NSG2: variants seen among roughly 807,000 people sequenced by gnomAD.
NSG2 encodes the protein neuronal vesicle trafficking associated 2.
A neutral mutation model predicts 16.9 loss-of-function variants in NSG2; 4 were observed. That is an observed-to-expected ratio of 0.24 (90% confidence interval 0.12 to 0.54). The LOEUF (loss-of-function observed/expected upper bound fraction) is 0.54, where lower values mean the gene tolerates loss of function less well. Among genes scored for constraint, NSG2 ranks in the 20% least tolerant of loss-of-function variants. The pLI is 0.95. For missense variants in NSG2, 179 were observed against 221.1 expected (o/e 0.81, Z 1.21); for synonymous variants, 98 against 88.7 (o/e 1.11, Z -0.59).
intron 3 of NSG2, among the ~76,000 whole-genome samples, chr5:174,069,874 ATTTT>A (rs1374503826): frequency 8.8e-6 from 1 of 113,276 alleles, no homozygotes; most frequent in Non-Finnish European, 1.8e-5. Context: ...AAGGTAGGCC[ATTTT>A]TTTTTTTTTT....
chr5:174,101,942 A>G (rs1032832543), intron 3 of NSG2, among the ~76,000 whole-genome samples: 1 of 151,622 alleles, frequency 6.6e-6, no homozygotes, highest in Non-Finnish European at 1.5e-5. Context: ...CCTCAGCTCC[A>G]CCTCTTGCCT....
chr5:174,101,963 G>A (rs561707988), intron 3 of NSG2, among the ~76,000 whole-genome samples: 37 of 152,026 alleles, frequency 2.4e-4, no homozygotes, highest in Non-Finnish European at 1.8e-4. Context: ...GTGTGATACC[G>A]GACTGATCTC....
At chr5:174,093,676 G>A (rs997650483) in intron 3 of NSG2, among the ~76,000 whole-genome samples, 1 of 152,206 alleles carries the variant, frequency 6.6e-6, no homozygotes, top group African/African-American at 2.4e-5. Context: ...GTCTCTGGAG[G>A]TTCCAGCTGC....
At chr5:174,104,792 CCTT>C (rs1760951711) in intron 4 of NSG2, among the ~76,000 whole-genome samples, 2 of 152,208 alleles carry the variant, frequency 1.3e-5, no homozygotes, top group South Asian at 2.1e-4. Context: ...TGATTAAACT[CCTT>C]CTCTGAAAGA....
In NSG2 at chr5:174,101,068, T is replaced by C. The variant is rs879400380; in HGVS notation, c.214-3160T>C. Among the ~76,000 whole-genome samples the C allele has an allele frequency of 1.4e-4, 21 of 152,204 alleles. 1 individual carries two copies. Among genetic ancestry groups the C allele is most frequent in the Admixed American group, 1.2e-3 (18 of 15,288 alleles). ...GAGGCTCTGAACTCCCTCCTGAGCA[T>C]GCACGAGCTCGACAGCTGCACTGTA... On this transcript the variant is annotated intron_variant, in intron 3 of 4. Coordinates refer to ENST00000303177, the MANE Select transcript of NSG2 (RefSeq NM_015980.5).
chr5:174,080,650 C>T (rs1455500226), intron 3 of NSG2, among the ~76,000 whole-genome samples: 2 of 151,938 alleles, frequency 1.3e-5, no homozygotes, highest in East Asian at 1.9e-4. Flanking sequence ...CAACCTCCAC[C>T]TCCCGGGTTC....
chr5:174,063,663 A>G (rs990830833), intron 2 of NSG2, among the ~76,000 whole-genome samples: 2 of 151,870 alleles, frequency 1.3e-5, no homozygotes, highest in Non-Finnish European at 1.5e-5. Flanking sequence ...TGCAATGTGA[A>G]GCACATCATG....
chr5:174,073,077 T>C (rs1290414537), intron 3 of NSG2, among the ~76,000 whole-genome samples: 1 of 152,184 alleles, frequency 6.6e-6, no homozygotes, highest in Non-Finnish European at 1.5e-5. Context: ...ATCGATCACA[T>C]CAACAGCTCT....
rs369770851 is a variant in NSG2, at chr5:174,064,226, T to C, written c.130-6T>C. On this transcript the variant is annotated splice_polypyrimidine_tract_variant and splice_region_variant and intron_variant, in intron 2 of 4. Transcript: ENST00000303177. ...TGCATGCTAACACACTGGTTGACTC[T>C]TTCAGGTGATTGTGAAGACAAGAAC... is the stretch of plus-strand genomic sequence containing the variant. The C allele has an allele frequency of 1.2e-6, 2 of 1,602,680 alleles. No homozygotes were observed. The highest frequency in any genetic ancestry group is 2.2e-5 in the East Asian group (1 of 44,744).
intron 2 of NSG2, among the ~76,000 whole-genome samples, chr5:174,054,084 C>T (rs1759931923): frequency 6.6e-6 from 1 of 152,248 alleles, no homozygotes; most frequent in Admixed American, 6.5e-5. Flanking sequence ...GAATCCTAAG[C>T]AGAGGTTTTG....
intron 2 of NSG2, among the ~76,000 whole-genome samples, chr5:174,062,021 G>A (rs1419181676): frequency 6.6e-6 from 1 of 151,204 alleles, no homozygotes; most frequent in African/African-American, 2.4e-5. Flanking sequence ...TGACACTGCA[G>A]CCTGACAGGT....
intron 2 of NSG2, chr5:174,056,261 T>G (rs1759966657): frequency 6.6e-6 from 1 of 152,122 alleles, no homozygotes; most frequent in Admixed American, 6.5e-5. Flanking sequence ...AGGCTCCTTA[T>G]CTGTAAAATG....
chr5:174,067,904 G>T (rs1197103199), intron 3 of NSG2, among the ~76,000 whole-genome samples: 1 of 152,178 alleles, frequency 6.6e-6, no homozygotes, highest in Non-Finnish European at 1.5e-5. Context: ...GAGGTAGGGA[G>T]CTGGGGGGAT....
At chr5:174,059,369 G>T (rs1314329472) in intron 2 of NSG2, among the ~76,000 whole-genome samples, 2 of 152,116 alleles carry the variant, frequency 1.3e-5, no homozygotes, top group African/African-American at 2.4e-5. Flanking sequence ...CCAGTTTGGG[G>T]CTATCAGGAA....
rs188092578 is a variant in NSG2, at chr5:174,071,493, G to A, written c.213+7178G>A. Among the ~76,000 whole-genome samples, 38 of 152,268 alleles carry A rather than the reference G, an allele frequency of 2.5e-4. No individual in the cohort carries two copies. The Middle Eastern group carries it at 0.01, about 41-fold the overall frequency. On this transcript the variant is annotated intron_variant, in intron 3 of 4. Coordinates refer to ENST00000303177, the MANE Select transcript of NSG2 (RefSeq NM_015980.5). ...AGAGCAAGACTCAGTAACAACAACAGCAACAACAGAAGAACCAGTGTCAGT... is the reference window on the plus strand; with the variant it reads ...AGAGCAAGACTCAGTAACAACAACAACAACAACAGAAGAACCAGTGTCAGT...
chr5:174,070,510 C>T (rs1178809981), intron 3 of NSG2, among the ~76,000 whole-genome samples: 1 of 152,174 alleles, frequency 6.6e-6, no homozygotes, highest in African/African-American at 2.4e-5. Flanking sequence ...TTCCTTCCTT[C>T]TTGGTCTCCC....
chr5:174,066,402 C>T, intron 3 of NSG2: 1 of 389,352 alleles, frequency 2.6e-6, no homozygotes, highest in Admixed American at 2.9e-5. Flanking sequence ...CCCAGGTTCA[C>T]ATGTAAGAAT....
intron 2 of NSG2, among the ~76,000 whole-genome samples, chr5:174,059,336 A>T (rs1398985178): frequency 6.6e-6 from 1 of 152,120 alleles, no homozygotes; most frequent in Non-Finnish European, 1.5e-5. Context: ...CCATTCTCCT[A>T]TTAGTGTACA....
At position 174,071,155 on chromosome 5, in the gene NSG2, C is replaced by G. The variant is rs191127975; in HGVS notation, c.213+6840C>G. ...CAAAGGGACCAGAGCTCACCATTCT[C>G]TCATTAAAATGAGGTGGGACCAAGA... On this transcript the variant is annotated intron_variant, in intron 3 of 4. Coordinates refer to ENST00000303177, the MANE Select transcript of NSG2 (RefSeq NM_015980.5). Among the ~76,000 whole-genome samples, 160 of 152,316 alleles carry G rather than the reference C, an allele frequency of 1.1e-3. 1 individual carries two copies. In the Middle Eastern group the frequency reaches 0.054, roughly 52 times the overall value.
Sources: allele counts gnomAD v4.1 joint callset (sites outside exome capture counted in the v4.1 genomes callset), GRCh38; gene constraint gnomAD v4.1.1; transcripts MANE v1.5; gene names NCBI Gene and HGNC (gene_info 2026-07-23, HGNC 2026-07-21).